The following CHRNA5 variants were observed in gnomAD, a reference collection of about 807,000 sequenced individuals.
CHRNA5 encodes the protein neuronal acetylcholine receptor subunit alpha-5.
In CHRNA5, 28 loss-of-function variants were observed where a neutral mutation model predicts 41.2. That is an observed-to-expected ratio of 0.68 (90% CI 0.50 to 0.93). CHRNA5 has a LOEUF of 0.93. CHRNA5 is among the 40% of genes least tolerant of loss of function. CHRNA5 has a pLI of 0.00. For missense variants in CHRNA5, 481 were observed against 581.9 expected, an observed-to-expected ratio of 0.83 and a Z score of 1.78; for synonymous variants, 188 against 205.8, an observed-to-expected ratio of 0.91 and a Z score of 0.74.
chr15:78,589,557 T>C, intron 4 of CHRNA5: 2 of 402,340 alleles, frequency 5.0e-6, no homozygotes, highest in Non-Finnish European at 8.8e-6. Flanking sequence ...CTCAGGCTTC[T>C]GTGAAAATTT....
chr15:78,593,010 TCTAA>T (rs1449551779), intron 5 of CHRNA5, 78 bp from the exon 6 acceptor site: 10 of 1,522,870 alleles, frequency 6.6e-6, no homozygotes, highest in South Asian at 1.3e-5. Flanking sequence ...CGATTTGGCT[TCTAA>T]CTCAGTGTGT....
At chr15:78,589,673 T>C (rs2052992149) in intron 4 of CHRNA5, 132 bp from the exon 5 acceptor site, 1 of 699,652 alleles carries the variant, frequency 1.4e-6, no homozygotes, top group Admixed American at 3.3e-5. Context: ...GTATATCTTA[T>C]CTGAAGTATA....
intron 1 of CHRNA5, among the ~76,000 whole-genome samples, chr15:78,570,423 T>A (rs1210892514): frequency 7.8e-6 from 1 of 128,514 alleles, no homozygotes; most frequent in East Asian, 2.3e-4. Flanking sequence ...CAATCCCGGC[T>A]ATTTTTTTTT....
intron 1 of CHRNA5, among the ~76,000 whole-genome samples, chr15:78,570,869 GA>G (rs2052798287): frequency 6.6e-6 from 1 of 152,146 alleles, no homozygotes; most frequent in Non-Finnish European, 1.5e-5. Flanking sequence ...TGCCTTGTAG[GA>G]TGTTTAGCAG....
At chr15:78,570,424 A>ATTTTT (rs71148540) in intron 1 of CHRNA5, among the ~76,000 whole-genome samples, 1,846 of 64,092 alleles carry the variant, frequency 0.029, 309 homozygotes, top group African/African-American at 0.11. Flanking sequence ...AATCCCGGCT[A>ATTTTT]TTTTTTTTTT....
intron 1 of CHRNA5, among the ~76,000 whole-genome samples, chr15:78,570,152 G>A (rs2052788536): frequency 6.6e-6 from 1 of 152,088 alleles, no homozygotes; most frequent in Admixed American, 6.5e-5. Context: ...CAATATGATA[G>A]AAAGGATTAT....
chr15:78,587,674 T>A (rs74248587), intron 3 of CHRNA5, among the ~76,000 whole-genome samples: 2 of 150,462 alleles, frequency 1.3e-5, no homozygotes, highest in Admixed American at 6.7e-5. Flanking sequence ...AATTTTTTTT[T>A]AATAGATAGT....
At chr15:78,571,903 C>G (rs981871494) in intron 1 of CHRNA5, among the ~76,000 whole-genome samples, 33 of 151,984 alleles carry the variant, frequency 2.2e-4, no homozygotes, top group Admixed American at 2.0e-3. Flanking sequence ...CACATTTTCC[C>G]TCGTTTACAA....
chr15:78,594,305 A>C (rs1435317544), exon 6 of CHRNA5: 2 of 152,192 alleles, frequency 1.3e-5, no homozygotes, highest in Admixed American at 6.5e-5. Context: ...ACCATCTTCT[A>C]TATAAATTGT....
intron 2 of CHRNA5, 62 bp downstream of exon 2, chr15:78,581,024 C>T: frequency 6.6e-7 from 1 of 1,509,144 alleles, no homozygotes; most frequent in East Asian, 2.3e-5. Context: ...CTGGTGTGTG[C>T]CCAGGCACTG....
intron 2 of CHRNA5, among the ~76,000 whole-genome samples, chr15:78,582,862 G>T (rs1462522823): frequency 6.6e-5 from 10 of 152,210 alleles, no homozygotes; most frequent in Admixed American, 6.5e-4. Context: ...GGTGGAGAAG[G>T]TGAGGAGAAT....
At chr15:78,583,244 T>C (rs1403813716) in intron 2 of CHRNA5, among the ~76,000 whole-genome samples, 1 of 152,042 alleles carries the variant, frequency 6.6e-6, no homozygotes. Flanking sequence ...AGTAAAACAG[T>C]AATGTACATG....
intron 1 of CHRNA5, among the ~76,000 whole-genome samples, chr15:78,577,201 C>T (rs1234123777): frequency 2.6e-5 from 4 of 152,064 alleles, no homozygotes. Flanking sequence ...CCCTCAGAGC[C>T]CTGCGGTTTA....
exon 5 of CHRNA5, chr15:78,590,498 T>C (rs2053003235): frequency 2.5e-6 from 4 of 1,614,216 alleles, no homozygotes; most frequent in Non-Finnish European, 3.4e-6. Flanking sequence ...TGAGAAGTCA[T>C]GTAGACAGGT....
Position 78,593,235 on chromosome 15 carries a change from TG to T in CHRNA5, c.1391del (p.Gly464GlufsTer16), listed in dbSNP as rs766695728. The stretch of plus-strand genomic sequence containing the variant: ...CAAATATATTAATACCAGTTCATAT[TG>T]GAAATGCAAATAAGTGAAGCCTCCC... On this transcript the variant is annotated frameshift_variant, in exon 6 of 6. Coordinates refer to ENST00000299565, the Ensembl canonical transcript of CHRNA5. LOFTEE classifies it high-confidence loss of function. The T allele has an allele frequency of 1.2e-6, 2 of 1,610,718 alleles. No individual in the cohort carries two copies. Among genetic ancestry groups the T allele is most frequent in the South Asian group, 2.2e-5 (2 of 89,820 alleles).
At chr15:78,582,501 G>GA (rs1567058353) in intron 2 of CHRNA5, among the ~76,000 whole-genome samples, 1 of 85,482 alleles carries the variant, frequency 1.2e-5, no homozygotes. Flanking sequence ...AAAAAGAAAA[G>GA]AAAAGAAAAA....
intron 1 of CHRNA5, among the ~76,000 whole-genome samples, chr15:78,573,160 G>T (rs1287208408): frequency 6.6e-6 from 1 of 152,172 alleles, no homozygotes; most frequent in South Asian, 2.1e-4. Flanking sequence ...CATGTGGGGC[G>T]GTGGTATGTC....
At chr15:78,585,976 T>A (rs2052957836) in intron 2 of CHRNA5, among the ~76,000 whole-genome samples, 1 of 150,378 alleles carries the variant, frequency 6.6e-6, no homozygotes, top group South Asian at 2.1e-4. Context: ...TTTTTTTAAG[T>A]GGAGATGGGG....
At chr15:78,584,739 T>A (rs1268234727) in intron 2 of CHRNA5, among the ~76,000 whole-genome samples, 1 of 152,210 alleles carries the variant, frequency 6.6e-6, no homozygotes, top group Admixed American at 6.5e-5. Flanking sequence ...GGGTAATATG[T>A]TTACCAGAAC....
Sources: gnomAD v4.1 joint callset for allele counts (sites outside exome capture counted in the v4.1 genomes callset) on GRCh38, gnomAD v4.1.1 for gene constraint, MANE v1.5 for transcripts, NCBI Gene and HGNC (gene_info 2026-07-23, HGNC 2026-07-21) for gene names.